The following ASPRV1 variants were observed in gnomAD, a reference collection of about 807,000 sequenced individuals.
ASPRV1 encodes the protein aspartic peptidase retroviral like 1.
ASPRV1 carries 7 observed loss-of-function variants against 11.0 expected under a neutral mutation model. That is an observed-to-expected ratio of 0.64 (90% CI 0.36 to 1.20). The LOEUF (loss-of-function observed/expected upper bound fraction) is 1.20, where lower values mean the gene tolerates loss of function less well. Among genes scored for constraint, ASPRV1 ranks in the 50% most tolerant of loss-of-function variants. The pLI is 0.02. For synonymous variants in ASPRV1, 136 were observed against 138.4 expected, an observed-to-expected ratio of 0.98 and a Z score of 0.12; for missense variants, 299 against 320.0, an observed-to-expected ratio of 0.93 and a Z score of 0.50.
At chr2:70,036,802 G>T in the ASPRV1 span, among the ~76,000 whole-genome samples, 1 of 152,092 alleles carries the variant, frequency 6.6e-6, no homozygotes, top group African/African-American at 2.4e-5. Context: ...CAAAGCGCTG[G>T]GATTACAGGT....
At chr2:70,078,906 G>C in the ASPRV1 span, among the ~76,000 whole-genome samples, 5 of 152,358 alleles carry the variant, frequency 3.3e-5, no homozygotes, top group Middle Eastern at 3.4e-3. Context: ...CACTTAGAAA[G>C]CTATTCCAGT....
the ASPRV1 span, among the ~76,000 whole-genome samples, chr2:69,945,754 G>A: frequency 8.1e-3 from 1,234 of 152,294 alleles, 20 homozygotes; most frequent in African/African-American, 0.029. Flanking sequence ...GAGCCAGGAC[G>A]GAGGCCAAGG....
chr2:70,033,480 A>G, the ASPRV1 span, among the ~76,000 whole-genome samples: 34,380 of 151,892 alleles, frequency 0.23, 6,871 homozygotes, highest in African/African-American at 0.5. Context: ...ACATTATTCA[A>G]AACAACTTAG....
the ASPRV1 span, among the ~76,000 whole-genome samples, chr2:70,033,500 C>T: frequency 1.3e-5 from 2 of 152,110 alleles, no homozygotes; most frequent in Admixed American, 6.5e-5. Flanking sequence ...GCTCTCCACT[C>T]CCTTTTCTCT....
chr2:69,960,081 T>C (rs1242339781), downstream of ASPRV1: 1 of 153,446 alleles, frequency 6.5e-6, no homozygotes, highest in East Asian at 1.9e-4. Flanking sequence ...AATCAACACA[T>C]TACATGGTTT....
upstream of ASPRV1, chr2:69,962,838 CCT>C (rs1251164625): frequency 5.4e-6 from 1 of 185,388 alleles, no homozygotes; most frequent in Non-Finnish European, 1.2e-5. Flanking sequence ...GGCTCACAAA[CCT>C]GGCATTTGTG....
upstream of ASPRV1, chr2:69,961,805 G>A (rs180732034): frequency 4.2e-5 from 49 of 1,176,614 alleles, no homozygotes; most frequent in Middle Eastern, 6.0e-4. Flanking sequence ...ACACCAGCCA[G>A]CCCACATCCC....
At chr2:69,945,482 G>A in the ASPRV1 span, among the ~76,000 whole-genome samples, 3,118 of 152,328 alleles carry the variant, frequency 0.02, 124 homozygotes, top group African/African-American at 0.072. Context: ...TTGCCTCTGC[G>A]AGTGTCCTTG....
the ASPRV1 span, among the ~76,000 whole-genome samples, chr2:69,977,945 A>G: frequency 6.6e-6 from 1 of 152,176 alleles, no homozygotes. Flanking sequence ...GAGCCCCAGA[A>G]GTGGGTCCAT....
At chr2:70,058,247 G>A in the ASPRV1 span, among the ~76,000 whole-genome samples, 92 of 152,198 alleles carry the variant, frequency 6.0e-4, no homozygotes, top group South Asian at 4.8e-3. Flanking sequence ...TTCATTTTAC[G>A]TGTTTAACTC....
the ASPRV1 span, among the ~76,000 whole-genome samples, chr2:69,995,042 A>C: frequency 3.3e-5 from 5 of 151,352 alleles, no homozygotes. Context: ...TTAATTAAAC[A>C]GAATAATATC....
chr2:69,965,547 A>T (rs1483669659), upstream of ASPRV1, among the ~76,000 whole-genome samples: 1 of 152,216 alleles, frequency 6.6e-6, no homozygotes, highest in Non-Finnish European at 1.5e-5. Flanking sequence ...CGGGCAGGAC[A>T]CGTTTGCTTC....
At chr2:69,966,987 A>C in the ASPRV1 span, among the ~76,000 whole-genome samples, 2 of 152,134 alleles carry the variant, frequency 1.3e-5, no homozygotes, top group Admixed American at 1.3e-4. Context: ...CATGTATAGA[A>C]ATCTCCAGGT....
At chr2:70,069,602 T>G in the ASPRV1 span, among the ~76,000 whole-genome samples, 5 of 152,236 alleles carry the variant, frequency 3.3e-5, no homozygotes, top group Admixed American at 1.3e-4. Context: ...TTGCGAATTC[T>G]TTAGCCCTTC....
the ASPRV1 span, chr2:69,941,668 T>C: frequency 6.6e-6 from 1 of 152,188 alleles, no homozygotes; most frequent in African/African-American, 2.4e-5. Flanking sequence ...TATGGGCCTC[T>C]CTTCTGCATC....
chr2:70,017,401 G>A, the ASPRV1 span, among the ~76,000 whole-genome samples: 1 of 152,232 alleles, frequency 6.6e-6, no homozygotes, highest in Non-Finnish European at 1.5e-5. Context: ...CACAGTAAGG[G>A]TCATGTACGA....
At chr2:70,060,511 G>A in the ASPRV1 span, among the ~76,000 whole-genome samples, 2 of 152,044 alleles carry the variant, frequency 1.3e-5, no homozygotes, top group Non-Finnish European at 2.9e-5. Context: ...TACATACAAA[G>A]GGCAAGAGTT....
At chr2:69,959,474 G>A (rs1678010543), downstream of ASPRV1, among the ~76,000 whole-genome samples, 1 of 152,076 alleles carries the variant, frequency 6.6e-6, no homozygotes, top group African/African-American at 2.4e-5. Context: ...GCAAATACGA[G>A]ATGGACCCCT....
chr2:70,086,511 G>A, the ASPRV1 span: 1 of 151,452 alleles, frequency 6.6e-6, no homozygotes, highest in Non-Finnish European at 1.5e-5. Context: ...GGGCCCTGAC[G>A]GGGCCGCCCC....
Sources: allele counts gnomAD v4.1 joint callset (sites outside exome capture counted in the v4.1 genomes callset), GRCh38; gene constraint gnomAD v4.1.1; transcripts MANE v1.5; gene names NCBI Gene and HGNC (gene_info 2026-07-23, HGNC 2026-07-21).